NID2: variants seen among roughly 807,000 people sequenced by gnomAD.
NID2 encodes nidogen-2.
Under a neutral mutation model 145.4 loss-of-function variants are expected in NID2, and 83 were observed. That is an observed-to-expected ratio of 0.57 (90% confidence interval 0.48 to 0.69). The LOEUF (loss-of-function observed/expected upper bound fraction) is 0.69, where lower values mean the gene tolerates loss of function less well. Among genes scored for constraint, NID2 ranks in the 30% least tolerant of loss-of-function variants. NID2 has a pLI of 0.00. For synonymous variants in NID2, 739 were observed against 701.3 expected, an observed-to-expected ratio of 1.05 and a Z score of -0.85; for missense variants, 1,807 against 1,765.7, an observed-to-expected ratio of 1.02 and a Z score of -0.42.
At chr14:52,038,628 C>G (rs1274604009) in intron 9 of NID2, 119 bp downstream of exon 9, 2 of 753,058 alleles carry the variant, frequency 2.7e-6, no homozygotes, top group Non-Finnish European at 4.2e-6. Flanking sequence ...TCTATTCATC[C>G]TTATACCTAG....
At chr14:52,065,519 T>C (rs1222634669) in intron 2 of NID2, among the ~76,000 whole-genome samples, 4 of 143,700 alleles carry the variant, frequency 2.8e-5, no homozygotes, top group Admixed American at 2.1e-4. Flanking sequence ...TATTTTTTAT[T>C]ATACTCTAAG....
In NID2 at chr14:52,067,915, G is replaced by A. The variant is rs780932888; in HGVS notation, c.477C>T (p.Thr159=). 1 of 1,612,986 alleles carries A rather than the reference G, an allele frequency of 6.2e-7. No homozygotes were observed. The highest frequency in any genetic ancestry group is 1.7e-5 in the Admixed American group (1 of 59,824). ...CCTCGTAAGCGCCTACCTGCTCCCA[G>A]GTGGCCAGGAAGGCGTGGGTGGGGG... ...RFTPTHAFLA[T]WEQVGAYEEV... The change falls in exon 2 of 22, where the codon ACC becomes ACT. Residue 159 remains threonine, a synonymous_variant. Coordinates refer to ENST00000216286, the MANE Select transcript of NID2 (RefSeq NM_007361.4).
At chr14:52,063,204 CT>C (rs1566776957) in intron 2 of NID2, among the ~76,000 whole-genome samples, 1 of 152,220 alleles carries the variant, frequency 6.6e-6, no homozygotes, top group African/African-American at 2.4e-5. Context: ...TAGATACAAG[CT>C]TTTGCAAGAG....
chr14:52,020,357 A>G (rs1281782178), intron 12 of NID2, 179 bp from the exon 13 acceptor site: 3 of 997,904 alleles, frequency 3.0e-6, no homozygotes, highest in Non-Finnish European at 4.2e-6. Context: ...AATAGAAAGG[A>G]AGAAAAAAAA....
intron 18 of NID2, 97 bp from the exon 19 acceptor site, chr14:52,008,064 T>C: frequency 1.0e-6 from 1 of 978,774 alleles, no homozygotes; most frequent in South Asian, 1.6e-5. Flanking sequence ...CCTCATGTAT[T>C]ATAGCCTTAA....
intron 9 of NID2, among the ~76,000 whole-genome samples, chr14:52,033,891 C>T (rs551300615): frequency 4.4e-4 from 67 of 152,186 alleles, no homozygotes; most frequent in African/African-American, 2.9e-4. Flanking sequence ...TAAGGGTGTG[C>T]GTACTGGAGC....
At position 52,020,161 on chromosome 14, in the gene NID2, C is replaced by T; in HGVS notation, c.2692G>A (p.Glu898Lys). 1 of 1,613,972 alleles carries T rather than the reference C, an allele frequency of 6.2e-7. No individual in the cohort carries two copies. The highest frequency in any genetic ancestry group is 2.2e-5 in the East Asian group (1 of 44,886). Residue 898 changes from glutamate to lysine, a missense_variant, in exon 13 of 22, where the codon GAA becomes AAA. Coordinates refer to ENST00000216286, the MANE Select transcript of NID2 (RefSeq NM_007361.4). Reference sequence around the variant, plus strand: ...GTAGCTGCAGGGTGACATCTGTTTTCTGAGCATTCATCTACATCTGCAGAG... The same window carrying T: ...GTAGCTGCAGGGTGACATCTGTTTTTTGAGCATTCATCTACATCTGCAGAG... ...HQCTDVDECSENRCHPAATCY... is the reference protein window; with the variant it reads ...HQCTDVDECSKNRCHPAATCY...
At chr14:52,023,629 G>T (rs1891478732) in intron 12 of NID2, among the ~76,000 whole-genome samples, 1 of 152,012 alleles carries the variant, frequency 6.6e-6, no homozygotes, top group African/African-American at 2.4e-5. Context: ...TCCTGGGAAG[G>T]TCCCAACTCA....
At chr14:52,016,890 A>C (rs1287746731) in intron 14 of NID2, among the ~76,000 whole-genome samples, 2 of 152,232 alleles carry the variant, frequency 1.3e-5, no homozygotes, top group African/African-American at 4.8e-5. Flanking sequence ...GTCAGAGCTC[A>C]AACCCAACTA....
intron 14 of NID2, among the ~76,000 whole-genome samples, chr14:52,016,559 T>G (rs1891219921): frequency 6.6e-6 from 1 of 152,148 alleles, no homozygotes. Context: ...TAGGGGTAAC[T>G]TCAGAATCCA....
At chr14:52,007,027 C>T in intron 19 of NID2, 1 of 159,302 alleles carries the variant, frequency 6.3e-6, no homozygotes, top group East Asian at 1.8e-4. Flanking sequence ...ACTGAGGCAA[C>T]CTTTTAACCA....
In NID2 at chr14:52,015,048, G is replaced by T. The variant is rs1891167303; in HGVS notation, c.3250+6C>A. ...CTGAGGGGAGCGGGGGCGGCCAGGT[G>T]CTTACACGCAGGGGTGGTGCCTGGC... On this transcript the variant is annotated splice_donor_region_variant and intron_variant, in intron 15 of 21. Coordinates refer to ENST00000216286, the MANE Select transcript of NID2 (RefSeq NM_007361.4). 1 of 1,610,738 alleles carries T rather than the reference G, an allele frequency of 6.2e-7. No homozygotes were observed. Among genetic ancestry groups the T allele is most frequent in the Non-Finnish European group, 8.5e-7 (1 of 1,178,216 alleles).
Position 52,005,771 on chromosome 14 carries a change from G to A in NID2, c.4083C>T (p.Tyr1361=), listed in dbSNP as rs201989906. 5.5e-5 allele frequency: 89 copies of A among 1,613,672 alleles called. No homozygotes were observed. The highest frequency in any genetic ancestry group is 1.6e-4 in the Middle Eastern group (1 of 6,084). Residue 1361 remains tyrosine (Y), a synonymous_variant, in exon 21 of 22, where the codon TAC becomes TAT. Transcript: ENST00000216286. ...EYLPEQRSHL[Y]GITAVYPYCP... is the part of the protein sequence containing the mutation. The stretch of plus-strand genomic sequence containing the variant: ...AGTAGGGGTAGACTGCAGTTATCCC[G>A]TAGAGGTGAGATCGTTGTTCTGGGA...
intron 16 of NID2, among the ~76,000 whole-genome samples, chr14:52,012,408 G>C (rs1891063841): frequency 6.6e-6 from 1 of 152,136 alleles, no homozygotes; most frequent in African/African-American, 2.4e-5. Flanking sequence ...GTTCGAGACT[G>C]AGCAACATAG....
chr14:52,061,142 AGTCCCCATTTGTACCAT>A (rs2140432468), intron 2 of NID2, among the ~76,000 whole-genome samples: 1 of 152,304 alleles, frequency 6.6e-6, no homozygotes, highest in South Asian at 2.1e-4. Context: ...ACTATTTAAT[AGTCCCCATTTGTACCAT>A]GTCCTTGGAT....
intron 9 of NID2, among the ~76,000 whole-genome samples, chr14:52,030,961 T>G (rs992082935): frequency 6.6e-6 from 1 of 152,248 alleles, no homozygotes; most frequent in Non-Finnish European, 1.5e-5. Flanking sequence ...TCTAACTACA[T>G]GGTGAGGAAA....
chr14:52,019,171 T>G lies in NID2; in HGVS notation c.2918A>C (p.Gln973Pro). The G allele has an allele frequency of 1.2e-6, 2 of 1,614,128 alleles. No individual in the cohort carries two copies. Among genetic ancestry groups the G allele is most frequent in the Non-Finnish European group, 1.7e-6 (2 of 1,180,008 alleles). The change falls in exon 14 of 22, where the codon CAG (glutamine) becomes CCG (proline). Residue 973 changes from glutamine to proline, a missense_variant. Gln to Pro is a moderately conservative substitution (Grantham distance 76). Transcript: ENST00000216286. ...GCAGAAACCAGTGCTGCCATGACAC[T>G]GTAGGGGCAGGAAGTTGCCCTGCTC... Reference protein sequence around the residue: ...CDEQGNFLPLQCHGSTGFCWC... With the variant: ...CDEQGNFLPLPCHGSTGFCWC...
At position 52,020,119 on chromosome 14, in the gene NID2, C is replaced by CAGG. The variant is rs771072386; in HGVS notation, c.2731_2733dup (p.Pro911dup). Reference sequence around the variant, plus strand: ...GGTTGACAACGGCAGGAGAAGGAACCAGGAGTATTGTAGCAGGTAGCTGCA... The same window carrying CAGG: ...GGTTGACAACGGCAGGAGAAGGAACCAGGAGGAGTATTGTAGCAGGTAGCTGCA... On this transcript the variant is annotated inframe_insertion, in exon 13 of 22. Coordinates refer to ENST00000216286, the MANE Select transcript of NID2 (RefSeq NM_007361.4). 2 of 1,614,142 alleles carry CAGG rather than the reference C, an allele frequency of 1.2e-6. No individual in the cohort carries two copies. Among genetic ancestry groups the CAGG allele is most frequent in the East Asian group, 4.5e-5 (2 of 44,884 alleles).
chr14:52,019,391 G>A, intron 13 of NID2, 97 bp from the exon 14 acceptor site: 1 of 935,508 alleles, frequency 1.1e-6, no homozygotes, highest in Non-Finnish European at 1.5e-6. Context: ...GAAAAGCGCT[G>A]GGATTTTGGA....
Sources: allele counts gnomAD v4.1 joint callset (sites outside exome capture counted in the v4.1 genomes callset), GRCh38; gene constraint gnomAD v4.1.1; transcripts MANE v1.5; gene names NCBI Gene and HGNC (gene_info 2026-07-23, HGNC 2026-07-21).